CD58: variants seen among roughly 807,000 people sequenced by gnomAD.
CD58 encodes lymphocyte function-associated antigen 3.
In CD58, 14 loss-of-function variants were observed where a neutral mutation model predicts 27.6. The observed-to-expected ratio is 0.51, with a 90% confidence interval of 0.34 to 0.79. The LOEUF is 0.79. Ranked by LOEUF, CD58 falls within the 30% of genes least tolerant of loss-of-function variation. The pLI, the probability that CD58 is intolerant of heterozygous loss-of-function variation, is 0.02. For missense variants in CD58, 268 were observed against 301.7 expected (o/e 0.89, Z 0.83); for synonymous variants, 117 against 103.8 (o/e 1.13, Z -0.77).
chr1:116,569,006 G>A (rs181524623), intron 1 of CD58, among the ~76,000 whole-genome samples: 2 of 152,240 alleles, frequency 1.3e-5, no homozygotes, highest in Non-Finnish European at 2.9e-5. Context: ...TGAATCAAAT[G>A]ACTTCTGAAT....
intron 3 of CD58, among the ~76,000 whole-genome samples, chr1:116,525,954 G>A (rs116818882): frequency 0.011 from 1,652 of 152,206 alleles, 40 homozygotes; most frequent in African/African-American, 0.038. Flanking sequence ...CCCGGCCCAG[G>A]AGTATCTTTT....
chr1:116,558,564 C>T (rs1345012314), intron 1 of CD58, among the ~76,000 whole-genome samples: 1 of 152,164 alleles, frequency 6.6e-6, no homozygotes, highest in African/African-American at 2.4e-5. Flanking sequence ...AATAACCTGT[C>T]CTATTAAGGC....
At chr1:116,566,400 T>C (rs904766644) in intron 1 of CD58, among the ~76,000 whole-genome samples, 5 of 152,226 alleles carry the variant, frequency 3.3e-5, no homozygotes, top group African/African-American at 1.2e-4. Flanking sequence ...GGTGAACTCC[T>C]GACTTTGTAA....
intron 2 of CD58, among the ~76,000 whole-genome samples, chr1:116,542,234 C>T (rs546772654): frequency 5.9e-5 from 9 of 152,300 alleles, no homozygotes; most frequent in African/African-American, 9.6e-5. Context: ...GCTGAGATCG[C>T]GCCATTGCAT....
At chr1:116,535,323 C>G (rs985095258) in intron 3 of CD58, among the ~76,000 whole-genome samples, 1 of 152,178 alleles carries the variant, frequency 6.6e-6, no homozygotes, top group South Asian at 2.1e-4. Context: ...CTACTCAAAG[C>G]CAGGTTCTGC....
chr1:116,530,349 G>A (rs1313078281), intron 3 of CD58, among the ~76,000 whole-genome samples: 1 of 152,054 alleles, frequency 6.6e-6, no homozygotes, highest in Non-Finnish European at 1.5e-5. Flanking sequence ...GGGACTACAG[G>A]TGCCCACCAA....
intron 3 of CD58, among the ~76,000 whole-genome samples, chr1:116,529,434 G>T (rs1296052883): frequency 1.3e-5 from 2 of 152,120 alleles, no homozygotes; most frequent in Admixed American, 6.5e-5. Context: ...TTTTCAAACG[G>T]TTAACCAATG....
rs1355571769 is a variant in CD58, at chr1:116,516,556, A to T, written c.744-1734T>A. 6.6e-6 allele frequency among the ~76,000 whole-genome samples: 1 copy of T among 152,148 alleles called. No homozygotes were observed. Among genetic ancestry groups the T allele is most frequent in the Non-Finnish European group, 1.5e-5 (1 of 68,034 alleles). On this transcript the variant is annotated intron_variant, in intron 5 of 5. Transcript: ENST00000369489. The surrounding 1 kb of genome is among the most constrained non-coding windows in gnomAD (Gnocchi z 6.1). The stretch of plus-strand genomic sequence containing the variant: ...TGTCTTTTGCCTCTACTTCAACTCG[A>T]TGCCAGGCAGGTCAATCTTACTATC...
chr1:116,529,351 G>A (rs1177563339), intron 3 of CD58, among the ~76,000 whole-genome samples: 1 of 152,216 alleles, frequency 6.6e-6, no homozygotes, highest in Non-Finnish European at 1.5e-5. Flanking sequence ...GCAAAATGTA[G>A]GAGCATGACA....
chr1:116,539,881 C>G (rs945936559), intron 2 of CD58, among the ~76,000 whole-genome samples: 1 of 152,216 alleles, frequency 6.6e-6, no homozygotes. Flanking sequence ...CCTACTTCCT[C>G]CCTAAGACAA....
At chr1:116,543,031 G>C (rs1055424297) in intron 2 of CD58, among the ~76,000 whole-genome samples, 1 of 152,226 alleles carries the variant, frequency 6.6e-6, no homozygotes, top group African/African-American at 2.4e-5. Flanking sequence ...TAAGTGATTA[G>C]AGAAATTAAA....
At chr1:116,553,833 T>C (rs1457572801) in intron 1 of CD58, among the ~76,000 whole-genome samples, 1 of 152,040 alleles carries the variant, frequency 6.6e-6, no homozygotes, top group Admixed American at 6.6e-5. Flanking sequence ...ACCTGTGCTT[T>C]AAAGCTTGGC....
At chr1:116,561,774 T>C (rs961459772) in intron 1 of CD58, among the ~76,000 whole-genome samples, 2 of 152,332 alleles carry the variant, frequency 1.3e-5, no homozygotes, top group South Asian at 2.1e-4. Flanking sequence ...CTGCCACTTA[T>C]TTGCTGTGTG....
At chr1:116,555,541 T>C (rs1332373997) in intron 1 of CD58, among the ~76,000 whole-genome samples, 1 of 152,180 alleles carries the variant, frequency 6.6e-6, no homozygotes, top group Non-Finnish European at 1.5e-5. Flanking sequence ...TTTTGAAGGT[T>C]TTTTTGTTTT....
chr1:116,533,018 T>A (rs1657669236), intron 3 of CD58: 28 of 737,662 alleles, frequency 3.8e-5, no homozygotes, highest in South Asian at 3.7e-4. Context: ...TCCCTCCTCA[T>A]CACCTTCTAA....
In CD58 at chr1:116,547,759, T is replaced by C. The variant is rs1658239343; in HGVS notation, c.71-3155A>G. Among the ~76,000 whole-genome samples, 4 of 152,210 alleles carry C rather than the reference T, an allele frequency of 2.6e-5. No homozygotes were observed. In the South Asian group the frequency reaches 8.3e-4, roughly 31 times the overall value. On this transcript the variant is annotated intron_variant, in intron 1 of 5. Transcript: ENST00000369489. ...ATTGCGAGTTGTGCCACTATAAAGA[T>C]GTTGTGTGCAACATGTTGTGTGTTG...
intron 1 of CD58, among the ~76,000 whole-genome samples, chr1:116,547,739 G>A (rs1658238750): frequency 1.3e-5 from 2 of 151,970 alleles, no homozygotes; most frequent in South Asian, 2.1e-4. Flanking sequence ...TTGCAATTGC[G>A]AGTTGTGCCA....
At position 116,570,890 on chromosome 1, in the gene CD58, AG is replaced by A; in HGVS notation, c.70+12del. On this transcript the variant is annotated intron_variant, in intron 1 of 5. Coordinates refer to ENST00000369489, the MANE Select transcript of CD58 (RefSeq NM_001779.3). The surrounding 1 kb of genome is among the most constrained non-coding windows in gnomAD (Gnocchi z 6.4). ...CCGGCCGGCGCGGGGCCCCTGGGGC[AG>A]GCTTCACTCACCAAAGCAGTGCAGC... is the stretch of plus-strand genomic sequence containing the variant. 6.5e-7 allele frequency: 1 copy of A among 1,548,292 alleles called. No homozygotes were observed. The highest frequency in any genetic ancestry group is 1.2e-5 in the South Asian group (1 of 84,520).
At chr1:116,544,711 A>G in intron 1 of CD58, 107 bp from the exon 2 acceptor site, 1 of 710,546 alleles carries the variant, frequency 1.4e-6, no homozygotes, top group Non-Finnish European at 2.3e-6. Flanking sequence ...GACACAAAAT[A>G]CAGGAAGTAA....
Sources: gnomAD v4.1 joint callset for allele counts (sites outside exome capture counted in the v4.1 genomes callset) on GRCh38, gnomAD v4.1.1 for gene constraint, Gnocchi (gnomAD v3.1) non-coding constraint, MANE v1.5 for transcripts, NCBI Gene and HGNC (gene_info 2026-07-23, HGNC 2026-07-21) for gene names.